The following STAM variants were observed in gnomAD, a reference collection of about 807,000 sequenced individuals.
The protein encoded by STAM is signal transducing adaptor molecule.
A neutral mutation model predicts 63.4 loss-of-function variants in STAM; 16 were observed. The ratio of observed to expected loss-of-function variants is 0.25; its 90% CI spans 0.17 to 0.38. STAM has a LOEUF of 0.38. Among genes scored for constraint, STAM ranks in the 10% least tolerant of loss-of-function variants. The pLI is 1.00. For missense variants in STAM, 636 were observed against 657.1 expected, an observed-to-expected ratio of 0.97 and a Z score of 0.35; for synonymous variants, 238 against 223.9, an observed-to-expected ratio of 1.06 and a Z score of -0.56.
chr10:17,688,488 A>C (rs1366016444), intron 5 of STAM, among the ~76,000 whole-genome samples: 1 of 152,070 alleles, frequency 6.6e-6, no homozygotes, highest in Non-Finnish European at 1.5e-5. Context: ...TTTGAGACGG[A>C]GTCTTTGTTT....
chr10:17,647,462 A>G (rs72780792), intron 1 of STAM, among the ~76,000 whole-genome samples: 19,142 of 151,598 alleles, frequency 0.13, 1,622 homozygotes, highest in Non-Finnish European at 0.18. Flanking sequence ...CTAAAAGTTG[A>G]GTGCCCTGCG....
intron 1 of STAM, among the ~76,000 whole-genome samples, chr10:17,651,073 A>G (rs2131559896): frequency 6.8e-6 from 1 of 146,894 alleles, no homozygotes; most frequent in South Asian, 2.2e-4. Context: ...TCAAAAAAAA[A>G]AAAAAAAAAA....
intron 2 of STAM, among the ~76,000 whole-genome samples, chr10:17,661,514 C>T (rs1285324847): frequency 6.6e-6 from 1 of 152,214 alleles, no homozygotes; most frequent in African/African-American, 2.4e-5. Flanking sequence ...GCTCTTCTTA[C>T]TCAAGCACTA....
chr10:17,701,481 T>C (rs893150764), intron 9 of STAM, among the ~76,000 whole-genome samples: 2 of 152,230 alleles, frequency 1.3e-5, no homozygotes, highest in African/African-American at 4.8e-5. Context: ...GGAACACAGA[T>C]AAATTTGTTT....
chr10:17,701,557 G>T (rs1835997849), intron 9 of STAM, among the ~76,000 whole-genome samples: 1 of 152,122 alleles, frequency 6.6e-6, no homozygotes, highest in Non-Finnish European at 1.5e-5. Flanking sequence ...AGATCATATG[G>T]CCTGCAAAGC....
intron 13 of STAM, among the ~76,000 whole-genome samples, chr10:17,710,234 A>G (rs1469166393): frequency 6.6e-6 from 1 of 152,092 alleles, no homozygotes; most frequent in Non-Finnish European, 1.5e-5. Context: ...CTTGAGACTC[A>G]TTCTTCAAGG....
rs144430312 is a variant in STAM, at chr10:17,693,720, T to C, written c.535+408T>C. 5.8e-4 allele frequency among the ~76,000 whole-genome samples: 89 copies of C among 152,350 alleles called. No homozygotes were observed. In the East Asian group the frequency reaches 0.017, roughly 29 times the overall value. ...GTACCATATTTTTCTGTCTTCCTACTGATGGACCTGTGGATTATTTCTGAT... is the reference window on the plus strand; with the variant it reads ...GTACCATATTTTTCTGTCTTCCTACCGATGGACCTGTGGATTATTTCTGAT... On this transcript the variant is annotated intron_variant, in intron 6 of 13. Transcript: ENST00000377524.
intron 4 of STAM, among the ~76,000 whole-genome samples, chr10:17,687,462 T>C (rs1238953381): frequency 6.6e-6 from 1 of 151,986 alleles, no homozygotes; most frequent in Non-Finnish European, 1.5e-5. Flanking sequence ...GCAGTCCGGC[T>C]TCTGCCACAG....
At chr10:17,662,833 C>G (rs1294674105) in intron 2 of STAM, among the ~76,000 whole-genome samples, 1 of 152,218 alleles carries the variant, frequency 6.6e-6, no homozygotes, top group Admixed American at 6.5e-5. Context: ...ATGAGTGCAA[C>G]TCTGCCTGCT....
At chr10:17,704,861 AT>A (rs2131682742) in intron 10 of STAM, 108 bp from the exon 11 acceptor site, 1 of 945,050 alleles carries the variant, frequency 1.1e-6, no homozygotes, top group East Asian at 2.7e-5. Context: ...GTATATTTTT[AT>A]TACTCCAAAT....
chr10:17,653,799 C>T (rs1368399388), intron 1 of STAM, among the ~76,000 whole-genome samples: 2 of 152,162 alleles, frequency 1.3e-5, no homozygotes, highest in African/African-American at 4.8e-5. Flanking sequence ...GGGACTTGAG[C>T]ATCCATACAT....
chr10:17,680,179 G>T (rs1835023118), intron 2 of STAM, among the ~76,000 whole-genome samples: 1 of 151,838 alleles, frequency 6.6e-6, no homozygotes, highest in Non-Finnish European at 1.5e-5. Flanking sequence ...TTATTGATTT[G>T]AGATCTTTTT....
intron 13 of STAM, among the ~76,000 whole-genome samples, chr10:17,712,629 T>C (rs1323514002): frequency 6.6e-6 from 1 of 152,216 alleles, no homozygotes; most frequent in Non-Finnish European, 1.5e-5. Flanking sequence ...GCTTTTTATA[T>C]TGCTTGTTTT....
At chr10:17,686,500 C>G (rs1219268227) in intron 4 of STAM, among the ~76,000 whole-genome samples, 1 of 151,942 alleles carries the variant, frequency 6.6e-6, no homozygotes, top group Non-Finnish European at 1.5e-5. Context: ...CCTCAGCCTC[C>G]TGAGTAGCTG....
At chr10:17,707,464 A>AT (rs1437212277) in intron 12 of STAM, among the ~76,000 whole-genome samples, 4 of 151,850 alleles carry the variant, frequency 2.6e-5, no homozygotes, top group South Asian at 2.1e-4. Flanking sequence ...CAGATACTCC[A>AT]TTTTTTCCAT....
chr10:17,658,798 C>G (rs1282562587), intron 1 of STAM, among the ~76,000 whole-genome samples: 1 of 152,040 alleles, frequency 6.6e-6, no homozygotes, highest in Non-Finnish European at 1.5e-5. Context: ...CATCCTTTAA[C>G]TTTTAATCTC....
At chr10:17,712,861 C>G (rs1051765605) in intron 13 of STAM, among the ~76,000 whole-genome samples, 7 of 151,968 alleles carry the variant, frequency 4.6e-5, no homozygotes, top group Admixed American at 1.3e-4. Flanking sequence ...GTACTGGCAG[C>G]GGAGCGGTGG....
intron 2 of STAM, among the ~76,000 whole-genome samples, chr10:17,664,052 GT>G (rs1554823149): frequency 2.0e-5 from 3 of 151,458 alleles, no homozygotes; most frequent in Non-Finnish European, 4.4e-5. Context: ...TGAAGCAAAA[GT>G]TCACTTTTTT....
Position 17,713,702 on chromosome 10 carries a change from T to C in STAM, c.1386-841T>C, listed in dbSNP as rs1194091108. Among the ~76,000 whole-genome samples the C allele has an allele frequency of 3.9e-5, 6 of 152,076 alleles. No homozygotes were observed. The East Asian group carries it at 1.2e-3, about 29-fold the overall frequency. The stretch of plus-strand genomic sequence containing the variant: ...CTGACCCTTTCTCCCATCTCCACCA[T>C]TACTGCCGTGGCTCTTCTGCTGGTC... On this transcript the variant is annotated intron_variant, in intron 13 of 13. Transcript: ENST00000377524.
Sources: allele counts gnomAD v4.1 joint callset (sites outside exome capture counted in the v4.1 genomes callset), GRCh38; gene constraint gnomAD v4.1.1; transcripts MANE v1.5; gene names NCBI Gene and HGNC (gene_info 2026-07-23, HGNC 2026-07-21).